The following ITGA4 variants were observed in gnomAD, a reference collection of about 807,000 sequenced individuals.
ITGA4 encodes the protein integrin alpha-4.
In ITGA4, 63 loss-of-function variants were observed where a neutral mutation model predicts 133.6. The observed-to-expected ratio is 0.47, with a 90% confidence interval of 0.38 to 0.58. ITGA4 has a LOEUF of 0.58. ITGA4 is among the 20% of genes least tolerant of loss of function. The pLI is 0.00. For synonymous variants in ITGA4, 483 were observed against 438.0 expected, an observed-to-expected ratio of 1.10 and a Z score of -1.28; for missense variants, 1,076 against 1,252.7, an observed-to-expected ratio of 0.86 and a Z score of 2.13.
At chr2:181,477,015 A>G (rs1685692477) in intron 4 of ITGA4, among the ~76,000 whole-genome samples, 2 of 152,102 alleles carry the variant, frequency 1.3e-5, no homozygotes, top group South Asian at 2.1e-4. Flanking sequence ...AAAACTACCT[A>G]TCAGGTACTA....
rs893850679 is a variant in ITGA4, at chr2:181,457,533, G to A, written c.-122G>A. 16 of 916,422 alleles carry A rather than the reference G, an allele frequency of 1.7e-5. No individual in the cohort carries two copies. The highest frequency in any genetic ancestry group is 2.1e-5 in the Non-Finnish European group (13 of 619,868). 56.8% of individuals were successfully genotyped at this position (916,422 alleles called of 1,614,324 possible). On this transcript the variant is annotated 5_prime_UTR_variant, in exon 1 of 28. Coordinates refer to ENST00000397033, the MANE Select transcript of ITGA4 (RefSeq NM_000885.6). ...CTTCCCTCTCTCCTTCCTTTAGCCC[G>A]CTGGCGCCGGACACGCTGCGCCTCA...
At chr2:181,487,027 C>G (rs1685937506) in intron 10 of ITGA4, among the ~76,000 whole-genome samples, 1 of 152,110 alleles carries the variant, frequency 6.6e-6, no homozygotes, top group Non-Finnish European at 1.5e-5. Context: ...TGAATACATG[C>G]TTCCAGTGAA....
At chr2:181,525,397 A>AG (rs1406867991) in intron 21 of ITGA4, 106 bp downstream of exon 21, 6 of 601,878 alleles carry the variant, frequency 1.0e-5, no homozygotes, top group African/African-American at 1.9e-5. Context: ...TAAAATAAAA[A>AG]GGATACTCTA....
chr2:181,515,213 A>G (rs1036348846), intron 17 of ITGA4, among the ~76,000 whole-genome samples: 1 of 152,120 alleles, frequency 6.6e-6, no homozygotes, highest in Non-Finnish European at 1.5e-5. Flanking sequence ...TTCAAATCCC[A>G]TATCTACTGT....
rs749507626 is a variant in ITGA4, at chr2:181,523,921, A to C, written c.2170-250A>C. Among the ~76,000 whole-genome samples, 3 of 152,122 alleles carry C rather than the reference A, an allele frequency of 2.0e-5. No homozygotes were observed. The highest frequency in any genetic ancestry group is 4.4e-5 in the Non-Finnish European group (3 of 68,018). On this transcript the variant is annotated intron_variant, in intron 19 of 27. Coordinates refer to ENST00000397033, the MANE Select transcript of ITGA4 (RefSeq NM_000885.6). This position sits in a 1 kb window ranked among gnomAD's most constrained non-coding sequence, Gnocchi z 4.2. ...TGTGAAAGCATTTCTAATTTTGTCT[A>C]GACTTGCCTGCGTTCACATTCAGAG... is the stretch of plus-strand genomic sequence containing the variant.
chr2:181,495,698 A>G lies in ITGA4; in HGVS notation c.1386-85A>G. On this transcript the variant is annotated intron_variant, in intron 13 of 27. Transcript: ENST00000397033. The surrounding 1 kb of genome is among the most constrained non-coding windows in gnomAD (Gnocchi z 4.3). Reference sequence around the variant, plus strand: ...TAAGACTCATGAAATTACTTGGTGAATGTAAACTGAAAAAACAAACGCATT... The same window carrying G: ...TAAGACTCATGAAATTACTTGGTGAGTGTAAACTGAAAAAACAAACGCATT... 8.4e-7 allele frequency: 1 copy of G among 1,184,466 alleles called. No homozygotes were observed. Among genetic ancestry groups the G allele is most frequent in the South Asian group, 1.4e-5 (1 of 70,322 alleles). 73.4% of individuals were successfully genotyped at this position (1,184,466 alleles called of 1,614,324 possible).
intron 2 of ITGA4, among the ~76,000 whole-genome samples, chr2:181,473,370 G>GT (rs1271719047): frequency 6.6e-6 from 1 of 152,212 alleles, no homozygotes; most frequent in Admixed American, 6.5e-5. Flanking sequence ...ATGATCTGAG[G>GT]TGGAACAGTT....
Position 181,537,959 on chromosome 2 carries a change from T to G in ITGA4, c.*2432T>G, listed in dbSNP as rs1687255947. The G allele has an allele frequency of 4.7e-6, 3 of 642,208 alleles. No homozygotes were observed. The highest frequency in any genetic ancestry group is 8.7e-6 in the Non-Finnish European group (3 of 343,132). The allele number at this position is 642,208 out of a possible 1,614,324, so 39.8% of individuals were successfully genotyped here. ...TCTCATAGAAGTGCGAACCATATGG[T>G]GAACTGGTATGTGAGGGATCTAGAG... On this transcript the variant is annotated 3_prime_UTR_variant, in exon 28 of 28. Transcript: ENST00000397033.
chr2:181,482,565 G>A lies in ITGA4; in HGVS notation c.955G>A (p.Gly319Ser), dbSNP rs1174017455. 6.2e-7 allele frequency: 1 copy of A among 1,613,728 alleles called. No individual in the cohort carries two copies. The highest frequency in any genetic ancestry group is 8.5e-7 in the Non-Finnish European group (1 of 1,179,760). ...SVCAVDLNAD[G>S]FSDLLVGAPM... Reference sequence around the variant, plus strand: ...CTGTGCTGTGGACCTCAATGCAGATGGCTTCTCAGATCTGCTCGTGGGAGC... The same window carrying A: ...CTGTGCTGTGGACCTCAATGCAGATAGCTTCTCAGATCTGCTCGTGGGAGC... The change falls in exon 9 of 28, where the codon GGC (glycine) becomes AGC (serine). Residue 319 changes from glycine (G) to serine (S), a missense_variant. Around this residue, in one of 4 missense-constraint regions of ITGA4, gnomAD observed 436 missense variants for 590.7 expected, o/e 0.74. Coordinates refer to ENST00000397033, the MANE Select transcript of ITGA4 (RefSeq NM_000885.6).
rs1685182058 is a variant in ITGA4, at chr2:181,458,267, G to C, written c.269G>C (p.Arg90Thr). 6.2e-7 allele frequency: 1 copy of C among 1,613,364 alleles called. No homozygotes were observed. The highest frequency in any genetic ancestry group is 1.1e-5 in the South Asian group (1 of 90,832). Residue 90 changes from arginine to threonine, a missense_variant, in exon 2 of 28, where the codon AGA (arginine) becomes ACA (threonine). Transcript: ENST00000397033. ...ASVINPGAIY[R>T]CRIGKNPGQT... ...GTGATCAATCCCGGGGCGATTTACA[G>C]ATGCAGGATCGGAAAGAATCCCGGC...
intron 26 of ITGA4, 35 bp from the exon 27 acceptor site, chr2:181,534,781 T>TC: frequency 6.5e-7 from 1 of 1,547,696 alleles, no homozygotes; most frequent in Non-Finnish European, 8.7e-7. Context: ...TTTTTTTTTT[T>TC]GGTTTTTGAG....
intron 12 of ITGA4, 79 bp downstream of exon 12, chr2:181,494,891 A>G: frequency 1.3e-6 from 1 of 757,162 alleles, no homozygotes; most frequent in Non-Finnish European, 2.3e-6. Context: ...AGTACGTAAA[A>G]CTGGTATGAA....
At chr2:181,501,373 G>T (rs1686264639) in intron 15 of ITGA4, among the ~76,000 whole-genome samples, 1 of 152,162 alleles carries the variant, frequency 6.6e-6, no homozygotes, top group Admixed American at 6.6e-5. Context: ...AGGGAAGAAT[G>T]GTGGAAGAAG....
chr2:181,530,377 A>T, intron 23 of ITGA4, 147 bp from the exon 24 acceptor site: 1 of 698,774 alleles, frequency 1.4e-6, no homozygotes, highest in Non-Finnish European at 2.3e-6. Flanking sequence ...AATCACTCCC[A>T]AATCTGTCAA....
intron 21 of ITGA4, among the ~76,000 whole-genome samples, chr2:181,525,771 A>G (rs1262178641): frequency 6.6e-6 from 1 of 152,154 alleles, no homozygotes; most frequent in African/African-American, 2.4e-5. Flanking sequence ...CACTTTTTAT[A>G]CCTATGGGAT....
At position 181,525,193 on chromosome 2, in the gene ITGA4, T is replaced by C; in HGVS notation, c.2250-9T>C. 6.5e-7 allele frequency: 1 copy of C among 1,548,646 alleles called. No homozygotes were observed. The highest frequency in any genetic ancestry group is 8.9e-7 in the Non-Finnish European group (1 of 1,121,398). ...GTGAATTCTAACAGGGTGTTTTCTGTTTGTATAGTGAAAATGAAGAGGAAA... is the reference window on the plus strand; with the variant it reads ...GTGAATTCTAACAGGGTGTTTTCTGCTTGTATAGTGAAAATGAAGAGGAAA... On this transcript the variant is annotated splice_polypyrimidine_tract_variant and intron_variant, in intron 20 of 27. Transcript: ENST00000397033.
intron 4 of ITGA4, among the ~76,000 whole-genome samples, chr2:181,475,496 T>G (rs1559040195): frequency 6.6e-6 from 1 of 152,182 alleles, no homozygotes; most frequent in African/African-American, 2.4e-5. Context: ...AATTCTACAA[T>G]TTGAATAACT....
At chr2:181,485,349 CA>C (rs1159042031) in intron 9 of ITGA4, among the ~76,000 whole-genome samples, 1 of 151,996 alleles carries the variant, frequency 6.6e-6, no homozygotes, top group Non-Finnish European at 1.5e-5. Context: ...GCTTATCCTT[CA>C]ATAGCCTCCT....
At chr2:181,477,698 AGT>A (rs2105729338) in intron 4 of ITGA4, among the ~76,000 whole-genome samples, 1 of 152,312 alleles carries the variant, frequency 6.6e-6, no homozygotes, top group African/African-American at 2.4e-5. Context: ...AGAGATAACA[AGT>A]GTTGGCGAAG....
Sources: gnomAD v4.1 joint callset for allele counts (sites outside exome capture counted in the v4.1 genomes callset) on GRCh38, gnomAD v4.1.1 for gene constraint, gnomAD v4.1.1 regional missense constraint, Gnocchi (gnomAD v3.1) non-coding constraint, MANE v1.5 for transcripts, NCBI Gene and HGNC (gene_info 2026-07-23, HGNC 2026-07-21) for gene names.